The following FAT3 variants were observed in gnomAD, a reference collection of about 807,000 sequenced individuals.
FAT3 encodes the protein protocadherin Fat 3.
FAT3 carries 95 observed loss-of-function variants against 310.2 expected under a neutral mutation model. The ratio of observed to expected loss-of-function variants is 0.31; its 90% CI spans 0.26 to 0.36. The LOEUF (loss-of-function observed/expected upper bound fraction) is 0.36. FAT3 is among the 10% of genes least tolerant of loss of function. The probability of loss-of-function intolerance (pLI) is 1.00; values close to 1 mark genes in which losing one functional copy is unlikely to be tolerated. For missense variants in FAT3, 5,408 were observed against 5,715.6 expected (o/e 0.95, Z 1.74); for synonymous variants, 2,314 against 2,192.9 (o/e 1.06, Z -1.54).
intron 9 of FAT3, among the ~76,000 whole-genome samples, chr11:92,796,890 A>T (rs3912648): frequency 6.6e-6 from 1 of 152,086 alleles, no homozygotes; most frequent in Non-Finnish European, 1.5e-5. Context: ...GCTGTAAACT[A>T]CTACAGTGTC....
intron 2 of FAT3, among the ~76,000 whole-genome samples, chr11:92,363,531 A>G (rs997521368): frequency 2.0e-5 from 3 of 152,186 alleles, no homozygotes; most frequent in Admixed American, 6.5e-5. Flanking sequence ...TTGCCTGGCA[A>G]CTTCTCTTTG....
Position 92,355,379 on chromosome 11 carries a change from A to G in FAT3, c.3267A>G (p.Gly1089=). Residue 1089 remains glycine, a synonymous_variant, in exon 2 of 28, where the codon GGA becomes GGG. Transcript: ENST00000525166. ...CCATCAGGGATGGCAGTGGTCTTGGAAGGTTCAGTATAGACGACGAGAGTG... is the reference window on the plus strand; with the variant it reads ...CCATCAGGGATGGCAGTGGTCTTGGGAGGTTCAGTATAGACGACGAGAGTG... ...QYSIRDGSGL[G]RFSIDDESGV... 1 of 1,613,540 alleles carries G rather than the reference A, an allele frequency of 6.2e-7. No homozygotes were observed. The highest frequency in any genetic ancestry group is 8.5e-7 in the Non-Finnish European group (1 of 1,179,662).
rs1265555900 is a variant in FAT3, at chr11:92,798,771, T to C, written c.5758T>C (p.Tyr1920His). ...PDSEVPPELT[Y>H]SLMEGSLDHF... ...CTCTGAGGTACCCCCTGAACTGACA[T>C]ACAGCCTAATGGAAGGCAGTTTGGA... Residue 1920 changes from tyrosine to histidine, a missense_variant, in exon 10 of 28, where the codon TAC (tyrosine) becomes CAC (histidine). Physicochemically the swap from Tyr to His is moderately conservative, Grantham distance 83. Around this residue, in one of 5 missense-constraint regions of FAT3, gnomAD observed 4,588 missense variants for 4,809.8 expected, o/e 0.95. Transcript: ENST00000525166. The C allele has an allele frequency of 6.2e-7, 1 of 1,613,750 alleles. No individual in the cohort carries two copies. The highest frequency in any genetic ancestry group is 8.5e-7 in the Non-Finnish European group (1 of 1,179,860).
At chr11:92,447,572 A>T (rs1951250935) in intron 2 of FAT3, among the ~76,000 whole-genome samples, 1 of 152,132 alleles carries the variant, frequency 6.6e-6, no homozygotes, top group Admixed American at 6.5e-5. Flanking sequence ...CAGTAATTGT[A>T]CAAAGTAAGG....
chr11:92,644,959 C>T (rs1029019171), intron 3 of FAT3, among the ~76,000 whole-genome samples: 11 of 152,060 alleles, frequency 7.2e-5, no homozygotes, highest in Non-Finnish European at 1.0e-4. Context: ...ATGACAGAGG[C>T]GGGACTTGTT....
At chr11:92,457,647 T>C (rs1440362006) in intron 2 of FAT3, among the ~76,000 whole-genome samples, 1 of 152,166 alleles carries the variant, frequency 6.6e-6, no homozygotes, top group Non-Finnish European at 1.5e-5. Context: ...ATAGGCTGGG[T>C]GCTGTGGCTC....
chr11:92,411,163 T>TA (rs1382110176), intron 2 of FAT3, among the ~76,000 whole-genome samples: 4 of 110,366 alleles, frequency 3.6e-5, no homozygotes, highest in Non-Finnish European at 8.1e-5. Context: ...ATATATATAA[T>TA]ATATATATAA....
At chr11:92,247,732 T>G (rs567099784) in intron 1 of FAT3, among the ~76,000 whole-genome samples, 150 of 152,016 alleles carry the variant, frequency 9.9e-4, no homozygotes, top group African/African-American at 3.0e-3. Flanking sequence ...CCTGTTTTTT[T>G]TTTTTTTTTT....
intron 3 of FAT3, among the ~76,000 whole-genome samples, chr11:92,611,817 A>G (rs1008703284): frequency 3.9e-5 from 6 of 152,226 alleles, no homozygotes; most frequent in Non-Finnish European, 7.3e-5. Flanking sequence ...AAAAAGGCCA[A>G]ACATCTATAC....
intron 3 of FAT3, among the ~76,000 whole-genome samples, chr11:92,589,203 T>G (rs1268662007): frequency 6.6e-6 from 1 of 152,096 alleles, no homozygotes; most frequent in Non-Finnish European, 1.5e-5. Context: ...ACTTTTACAT[T>G]GGAAGTGACC....
chr11:92,251,097 A>G (rs1865118633), intron 1 of FAT3, among the ~76,000 whole-genome samples: 1 of 152,194 alleles, frequency 6.6e-6, no homozygotes, highest in African/African-American at 2.4e-5. Context: ...CCTTTAAGCC[A>G]GAATAAAAAC....
At chr11:92,423,777 A>G (rs1237512348) in intron 2 of FAT3, among the ~76,000 whole-genome samples, 1 of 152,190 alleles carries the variant, frequency 6.6e-6, no homozygotes, top group Non-Finnish European at 1.5e-5. Flanking sequence ...GTAAGAGTTT[A>G]TGTTACAGTC....
At position 92,275,690 on chromosome 11, in the gene FAT3, T is replaced by C. The variant is rs79202586; in HGVS notation, c.-18+50516T>C. ...CTCTACCAGCAATGTAACATGTAGC[T>C]ACCAATTGATTGGTTTACTTTTCAG... is the stretch of plus-strand genomic sequence containing the variant. On this transcript the variant is annotated intron_variant, in intron 1 of 27. Coordinates refer to ENST00000525166, the MANE Select transcript of FAT3 (RefSeq NM_001367949.2). Among the ~76,000 whole-genome samples the C allele has an allele frequency of 9.0e-3, 1,365 of 152,260 alleles. 10 individuals carry two copies. Among genetic ancestry groups the C allele is most frequent in the African/African-American group, 0.031 (1,282 of 41,556 alleles).
intron 1 of FAT3, among the ~76,000 whole-genome samples, chr11:92,301,765 T>A (rs1565211609): frequency 6.6e-6 from 1 of 152,064 alleles, no homozygotes; most frequent in Non-Finnish European, 1.5e-5. Flanking sequence ...GGATCAAATG[T>A]CCAAACTAGA....
chr11:92,886,476 A>C (rs1419819112), intron 24 of FAT3, among the ~76,000 whole-genome samples: 2 of 152,090 alleles, frequency 1.3e-5, no homozygotes, highest in Non-Finnish European at 2.9e-5. Flanking sequence ...GAACATGGTC[A>C]CTCCCAAAAA....
chr11:92,750,334 G>A (rs902184973), intron 4 of FAT3, among the ~76,000 whole-genome samples: 33 of 152,266 alleles, frequency 2.2e-4, no homozygotes, highest in Admixed American at 9.8e-4. Context: ...GGAAGAAGTC[G>A]GGGGATGGTC....
chr11:92,494,712 T>C (rs1315715024), intron 2 of FAT3, among the ~76,000 whole-genome samples: 3 of 152,068 alleles, frequency 2.0e-5, no homozygotes, highest in Non-Finnish European at 4.4e-5. Flanking sequence ...AGCCATCCTA[T>C]TGCAGAACCT....
chr11:92,735,319 A>G (rs79855104), intron 4 of FAT3, among the ~76,000 whole-genome samples: 5,610 of 152,232 alleles, frequency 0.037, 241 homozygotes, highest in East Asian at 0.21. Flanking sequence ...GGCAGTTCAC[A>G]TAAGGGTCTT....
chr11:92,878,986 T>G (rs145534093), intron 22 of FAT3, among the ~76,000 whole-genome samples: 2,276 of 151,992 alleles, frequency 0.015, 68 homozygotes, highest in African/African-American at 0.052. Flanking sequence ...TAAACCCATA[T>G]AAAGTACATC....
Sources: allele counts gnomAD v4.1 joint callset (sites outside exome capture counted in the v4.1 genomes callset), GRCh38; gene constraint gnomAD v4.1.1; regional missense constraint gnomAD v4.1.1; transcripts MANE v1.5; gene names NCBI Gene and HGNC (gene_info 2026-07-23, HGNC 2026-07-21).